The following SHISA9 variants were observed in gnomAD, a reference collection of about 807,000 sequenced individuals.
SHISA9 encodes protein shisa-9.
SHISA9 carries 13 observed loss-of-function variants against 38.0 expected under a neutral mutation model. That is an observed-to-expected ratio of 0.34 (90% CI 0.22 to 0.54). The LOEUF is 0.54. Ranked by LOEUF, SHISA9 falls within the 20% of genes least tolerant of loss-of-function variation. The pLI is 0.91. For synonymous variants in SHISA9, 275 were observed against 242.0 expected, an observed-to-expected ratio of 1.14 and a Z score of -1.27; for missense variants, 538 against 575.8, an observed-to-expected ratio of 0.93 and a Z score of 0.67.
At chr16:13,275,237 C>A in the SHISA9 span, among the ~76,000 whole-genome samples, 194 of 152,094 alleles carry the variant, frequency 1.3e-3, 1 homozygote, top group African/African-American at 4.5e-3. Context: ...CTTTTTAGAT[C>A]TTTTCTATGC....
the SHISA9 span, among the ~76,000 whole-genome samples, chr16:13,448,854 G>A: frequency 0.034 from 5,215 of 152,270 alleles, 193 homozygotes; most frequent in East Asian, 0.21. Context: ...TGCCCTTTGT[G>A]TATCCAGGTG....
intron 2 of SHISA9, among the ~76,000 whole-genome samples, chr16:13,187,480 G>C (rs6498388): frequency 6.6e-6 from 1 of 151,526 alleles, no homozygotes; most frequent in African/African-American, 2.4e-5. Flanking sequence ...AACTACAGAC[G>C]TGCACCACCA....
Position 13,002,936 on chromosome 16 carries a change from A to C in SHISA9, c.691+86121A>C, listed in dbSNP as rs565215453. Among the ~76,000 whole-genome samples, 3 of 152,298 alleles carry C rather than the reference A, an allele frequency of 2.0e-5. No individual in the cohort carries two copies. In the South Asian group the frequency reaches 6.2e-4, roughly 32 times the overall value. On this transcript the variant is annotated intron_variant, in intron 2 of 4. Transcript: ENST00000558583. ...TAATGATTTATGCTGCAGACATAGA[A>C]TTAATGCATCTAAGAGGGACACGAG...
At chr16:13,190,389 A>G (rs1199736445) in intron 2 of SHISA9, among the ~76,000 whole-genome samples, 1 of 152,178 alleles carries the variant, frequency 6.6e-6, no homozygotes, top group Non-Finnish European at 1.5e-5. Flanking sequence ...ATGGGACGTT[A>G]GGGATGTTCT....
At chr16:13,223,476 T>G (rs563388389) in intron 4 of SHISA9, among the ~76,000 whole-genome samples, 75 of 152,262 alleles carry the variant, frequency 4.9e-4, no homozygotes, top group African/African-American at 1.7e-3. Flanking sequence ...CATTGAATCC[T>G]TCAAACTCCC....
intron 1 of SHISA9, among the ~76,000 whole-genome samples, chr16:12,907,139 T>TTCTC: frequency 1.5e-5 from 1 of 64,672 alleles, no homozygotes; most frequent in African/African-American, 8.3e-5. Flanking sequence ...TTTTCTTCCT[T>TTCTC]TCCCTCCCTC....
the SHISA9 span, among the ~76,000 whole-genome samples, chr16:13,330,421 C>T: frequency 6.6e-6 from 1 of 152,100 alleles, no homozygotes; most frequent in Non-Finnish European, 1.5e-5. Context: ...AAAAGGATAT[C>T]CAGTGAAAAT....
intron 2 of SHISA9, among the ~76,000 whole-genome samples, chr16:13,073,013 ACTC>A (rs1349899189): frequency 6.6e-6 from 1 of 151,212 alleles, no homozygotes; most frequent in East Asian, 1.9e-4. Flanking sequence ...CTGGTCTTGA[ACTC>A]CTGAGCTTGA....
At position 13,156,282 on chromosome 16, in the gene SHISA9, A is replaced by G. The variant is rs72784501; in HGVS notation, c.692-47112A>G. ...ACTGGGTGCATCAATGACCACTGTG[A>G]GGATTAAATGAGGTGGTACTTGCCA... On this transcript the variant is annotated intron_variant, in intron 2 of 4. Transcript: ENST00000558583. 3.0e-3 allele frequency among the ~76,000 whole-genome samples: 461 copies of G among 152,306 alleles called. 1 individual carries two copies. The highest frequency in any genetic ancestry group is 4.8e-3 in the Non-Finnish European group (328 of 68,024).
At chr16:13,297,869 G>C in the SHISA9 span, among the ~76,000 whole-genome samples, 67 of 152,258 alleles carry the variant, frequency 4.4e-4, no homozygotes, top group African/African-American at 1.5e-3. Context: ...CAATTCTCCT[G>C]CTTCAGCCTC....
the SHISA9 span, among the ~76,000 whole-genome samples, chr16:13,303,964 C>G: frequency 2.0e-5 from 3 of 151,898 alleles, no homozygotes; most frequent in Non-Finnish European, 2.9e-5. Context: ...GTTGAATTGT[C>G]CTTAATTTTT....
intron 2 of SHISA9, among the ~76,000 whole-genome samples, chr16:13,050,962 G>A (rs1453170214): frequency 2.0e-5 from 3 of 152,196 alleles, no homozygotes; most frequent in Admixed American, 6.5e-5. Context: ...GTTTTTACCA[G>A]TTCTTAGCTG....
the SHISA9 span, among the ~76,000 whole-genome samples, chr16:13,472,958 C>T: frequency 3.9e-5 from 6 of 152,172 alleles, no homozygotes; most frequent in Admixed American, 3.9e-4. Context: ...AACATCTAGG[C>T]CAGTGCTGGA....
intron 2 of SHISA9, among the ~76,000 whole-genome samples, chr16:13,067,663 A>G (rs544475833): frequency 6.6e-6 from 1 of 152,338 alleles, no homozygotes; most frequent in East Asian, 1.9e-4. Flanking sequence ...GAAAATTTCA[A>G]TGCCTTGGCA....
rs1332860083 is a variant in SHISA9 at position 13,116,083 on chromosome 16, A to G, written c.692-87311A>G. Among the ~76,000 whole-genome samples the G allele has an allele frequency of 3.9e-5, 6 of 152,272 alleles. No individual in the cohort carries two copies. The East Asian group carries it at 9.7e-4, about 25-fold the overall frequency. Reference sequence around the variant, plus strand: ...GTGTTATCCATGGATTGAATCCTTCAGTGGACTGTGAGTTTCTCAAAGCTT... The same window carrying G: ...GTGTTATCCATGGATTGAATCCTTCGGTGGACTGTGAGTTTCTCAAAGCTT... On this transcript the variant is annotated intron_variant, in intron 2 of 4. Transcript: ENST00000558583.
At chr16:13,365,091 C>T in the SHISA9 span, among the ~76,000 whole-genome samples, 1 of 152,116 alleles carries the variant, frequency 6.6e-6, no homozygotes, top group Non-Finnish European at 1.5e-5. Context: ...GTATTCAGTA[C>T]CTATACCTAT....
chr16:13,413,855 T>G, the SHISA9 span, among the ~76,000 whole-genome samples: 2 of 148,496 alleles, frequency 1.3e-5, no homozygotes, highest in African/African-American at 2.5e-5. Flanking sequence ...GATATGTGAA[T>G]CAGCTAGTTG....
chr16:13,156,005 G>A (rs1203709006), intron 2 of SHISA9, among the ~76,000 whole-genome samples: 1 of 152,172 alleles, frequency 6.6e-6, no homozygotes, highest in Non-Finnish European at 1.5e-5. Context: ...GGGGTGGTGG[G>A]AATGTGTTTA....
the SHISA9 span, among the ~76,000 whole-genome samples, chr16:13,298,464 A>T: frequency 2.6e-5 from 4 of 152,354 alleles, no homozygotes; most frequent in African/African-American, 9.6e-5. Flanking sequence ...TATATGGATT[A>T]TCTCATTTCA....
Sources: allele counts gnomAD v4.1 joint callset (sites outside exome capture counted in the v4.1 genomes callset), GRCh38; gene constraint gnomAD v4.1.1; transcripts MANE v1.5; gene names NCBI Gene and HGNC (gene_info 2026-07-23, HGNC 2026-07-21).